CTNND2: variants seen among roughly 807,000 people sequenced by gnomAD.
The protein encoded by CTNND2 is catenin delta-2.
In CTNND2, 22 loss-of-function variants were observed where a neutral mutation model predicts 144.4. The ratio of observed to expected loss-of-function variants is 0.15; its 90% CI spans 0.11 to 0.22. The LOEUF is 0.22. Among genes scored for constraint, CTNND2 ranks in the 10% least tolerant of loss-of-function variants. CTNND2 has a pLI of 1.00. For missense variants in CTNND2, 1,353 were observed against 1,618.8 expected, an observed-to-expected ratio of 0.84 and a Z score of 2.82; for synonymous variants, 751 against 695.6, an observed-to-expected ratio of 1.08 and a Z score of -1.25.
At chr5:11,702,297 A>G (rs1007860542) in intron 2 of CTNND2, among the ~76,000 whole-genome samples, 19 of 152,188 alleles carry the variant, frequency 1.2e-4, no homozygotes, top group Non-Finnish European at 2.4e-4. Context: ...AGGTCCCAGT[A>G]TCTGATTTTA....
intron 8 of CTNND2, among the ~76,000 whole-genome samples, chr5:11,355,140 G>C (rs1048366884): frequency 1.3e-5 from 2 of 151,928 alleles, no homozygotes; most frequent in Non-Finnish European, 2.9e-5. Context: ...TATCCAAAAA[G>C]AAGAAAGATT....
At chr5:11,214,909 C>T (rs1266536099) in intron 10 of CTNND2, among the ~76,000 whole-genome samples, 1 of 152,246 alleles carries the variant, frequency 6.6e-6, no homozygotes, top group Admixed American at 6.5e-5. Flanking sequence ...TCTCTAGGTT[C>T]CATCTTAGCT....
intron 14 of CTNND2, among the ~76,000 whole-genome samples, chr5:11,106,773 C>T (rs6886427): frequency 0.19 from 28,167 of 152,118 alleles, 2,885 homozygotes; most frequent in South Asian, 0.24. Flanking sequence ...ATAGTTGTCA[C>T]AAAAGACTAC....
chr5:11,495,810 T>C (rs1450798057), intron 3 of CTNND2, among the ~76,000 whole-genome samples: 1 of 152,178 alleles, frequency 6.6e-6, no homozygotes, highest in African/African-American at 2.4e-5. Flanking sequence ...CAGCAGCTCT[T>C]GCTGACATCT....
At chr5:11,026,807 A>G (rs914791560) in intron 16 of CTNND2, among the ~76,000 whole-genome samples, 1 of 152,218 alleles carries the variant, frequency 6.6e-6, no homozygotes, top group Non-Finnish European at 1.5e-5. Context: ...GATCAAGGAC[A>G]TGAGAGCAGC....
intron 9 of CTNND2, among the ~76,000 whole-genome samples, chr5:11,310,934 A>G (rs1296069262): frequency 7.1e-6 from 1 of 140,400 alleles, no homozygotes; most frequent in Non-Finnish European, 1.5e-5. Context: ...CTCACCCCAC[A>G]TGCACTCACA....
intron 16 of CTNND2, among the ~76,000 whole-genome samples, chr5:11,063,546 T>A (rs944453922): frequency 1.4e-5 from 2 of 140,136 alleles, no homozygotes; most frequent in African/African-American, 6.1e-5. Flanking sequence ...ATAAAATACA[T>A]TAATCAGGGT....
chr5:11,510,381 G>A (rs930454940), intron 3 of CTNND2, among the ~76,000 whole-genome samples: 1 of 152,074 alleles, frequency 6.6e-6, no homozygotes, highest in African/African-American at 2.4e-5. Flanking sequence ...AAGCTACTCA[G>A]CCTAAATCTG....
At chr5:11,378,356 C>T (rs1021678556) in intron 7 of CTNND2, among the ~76,000 whole-genome samples, 1 of 152,154 alleles carries the variant, frequency 6.6e-6, no homozygotes, top group Admixed American at 6.6e-5. Flanking sequence ...GGCAATGAGT[C>T]GCTGTCGTTG....
At chr5:11,545,975 G>A (rs1407420931) in intron 3 of CTNND2, among the ~76,000 whole-genome samples, 1 of 152,016 alleles carries the variant, frequency 6.6e-6, no homozygotes, top group Non-Finnish European at 1.5e-5. Context: ...ATGGTATATT[G>A]TTTGGCAACT....
chr5:11,407,265 C>A (rs183421608), intron 5 of CTNND2, among the ~76,000 whole-genome samples: 73 of 152,264 alleles, frequency 4.8e-4, no homozygotes, highest in African/African-American at 1.8e-3. Context: ...TGAAACAATT[C>A]TCCTAGTGAC....
At chr5:11,881,547 C>T (rs1384483025) in intron 1 of CTNND2, among the ~76,000 whole-genome samples, 3 of 151,782 alleles carry the variant, frequency 2.0e-5, no homozygotes, top group African/African-American at 7.3e-5. Context: ...TATTTCTATG[C>T]CTGGCTTATT....
chr5:11,147,680 T>C (rs914712234), intron 12 of CTNND2, among the ~76,000 whole-genome samples: 2 of 151,438 alleles, frequency 1.3e-5, no homozygotes, highest in East Asian at 3.9e-4. Flanking sequence ...AAAAAAACTT[T>C]TTCAGAATGA....
chr5:10,997,027 G>A (rs757111568), intron 18 of CTNND2, among the ~76,000 whole-genome samples: 4 of 152,116 alleles, frequency 2.6e-5, no homozygotes, highest in Admixed American at 6.5e-5. Flanking sequence ...AATGATGGTC[G>A]TCCCAGGAGG....
chr5:11,401,976 A>C (rs1760686940), intron 5 of CTNND2, among the ~76,000 whole-genome samples: 1 of 152,238 alleles, frequency 6.6e-6, no homozygotes. Flanking sequence ...TGATAATAAT[A>C]AAACCTTCAC....
intron 3 of CTNND2, among the ~76,000 whole-genome samples, chr5:11,530,957 T>C (rs1773698628): frequency 6.6e-6 from 1 of 152,168 alleles, no homozygotes; most frequent in African/African-American, 2.4e-5. Context: ...CTGTAGTATC[T>C]TTAAAGTCAA....
At position 11,402,719 on chromosome 5, in the gene CTNND2, C is replaced by T. The variant is rs577558976; in HGVS notation, c.440-5516G>A. Among the ~76,000 whole-genome samples the T allele has an allele frequency of 3.7e-4, 56 of 152,240 alleles. No individual in the cohort carries two copies. The Middle Eastern group carries it at 0.017, about 46-fold the overall frequency. On this transcript the variant is annotated intron_variant, in intron 5 of 21. Coordinates refer to ENST00000304623, the MANE Select transcript of CTNND2 (RefSeq NM_001332.4). ...CCAAAAATGAGCTGAGAGAAAAAGCCCAAGGGGCTTGTTATGCAAGAAAGC... is the reference window on the plus strand; with the variant it reads ...CCAAAAATGAGCTGAGAGAAAAAGCTCAAGGGGCTTGTTATGCAAGAAAGC...
rs137889285 is a variant in CTNND2 at position 11,259,138 on chromosome 5, G to A, written c.1629-22315C>T. ...AGCCTTGTACCATCAGTTGAAAAAC[G>A]AAAACTCAAGACTTCAGTAGTAACT... On this transcript the variant is annotated intron_variant, in intron 9 of 21. Coordinates refer to ENST00000304623, the MANE Select transcript of CTNND2 (RefSeq NM_001332.4). Among the ~76,000 whole-genome samples, 979 of 152,224 alleles carry A rather than the reference G, an allele frequency of 6.4e-3. 8 individuals carry two copies. The highest frequency in any genetic ancestry group is 0.022 in the African/African-American group (920 of 41,542).
At chr5:11,060,598 C>A (rs1034330773) in intron 16 of CTNND2, among the ~76,000 whole-genome samples, 3 of 133,426 alleles carry the variant, frequency 2.2e-5, no homozygotes, top group Admixed American at 2.2e-4. Flanking sequence ...ATATTTTTTC[C>A]TGGGGTGGAT....
Sources: allele counts gnomAD v4.1 joint callset (sites outside exome capture counted in the v4.1 genomes callset), GRCh38; gene constraint gnomAD v4.1.1; transcripts MANE v1.5; gene names NCBI Gene and HGNC (gene_info 2026-07-23, HGNC 2026-07-21).